The following SPECC1L variants were observed in gnomAD, a reference collection of about 807,000 sequenced individuals.
SPECC1L encodes the protein sperm antigen with calponin homology and coiled-coil domains 1 like, also known as cytospin-A.
In SPECC1L, 40 loss-of-function variants were observed where a neutral mutation model predicts 116.8. That is an observed-to-expected ratio of 0.34 (90% CI 0.27 to 0.45). The LOEUF (loss-of-function observed/expected upper bound fraction) is 0.45, where lower values mean the gene tolerates loss of function less well. SPECC1L is among the 20% of genes least tolerant of loss of function. SPECC1L has a pLI of 1.00. For missense variants in SPECC1L, 1,110 were observed against 1,373.6 expected (o/e 0.81, Z 3.03); for synonymous variants, 504 against 500.6 (o/e 1.01, Z -0.09).
chr22:24,365,405 G>GAA, intron 12 of SPECC1L, 71 bp from the exon 13 acceptor site: 20 of 1,383,584 alleles, frequency 1.4e-5, no homozygotes, highest in South Asian at 2.5e-5. Flanking sequence ...GGAATCTTCA[G>GAA]AAAAAAAAAA....
At chr22:24,414,255 T>C (rs892477430) in intron 16 of SPECC1L, among the ~76,000 whole-genome samples, 2 of 151,940 alleles carry the variant, frequency 1.3e-5, no homozygotes, top group South Asian at 2.1e-4. Flanking sequence ...AGGGAGGAAG[T>C]TCCTCCGCCC....
intron 14 of SPECC1L, among the ~76,000 whole-genome samples, chr22:24,386,071 A>G (rs757818119): frequency 3.9e-5 from 6 of 152,112 alleles, no homozygotes; most frequent in Non-Finnish European, 5.9e-5. Flanking sequence ...ATCAAAGTAG[A>G]TGAACAAAAG....
intron 7 of SPECC1L, among the ~76,000 whole-genome samples, chr22:24,329,675 C>T (rs1274921702): frequency 1.3e-5 from 2 of 152,188 alleles, no homozygotes; most frequent in African/African-American, 4.8e-5. Flanking sequence ...CGGCCACACC[C>T]GCATCCTCCA....
chr22:24,394,913 C>T (rs750885802), intron 14 of SPECC1L, among the ~76,000 whole-genome samples: 1 of 152,174 alleles, frequency 6.6e-6, no homozygotes, highest in African/African-American at 2.4e-5. Context: ...TCACTGCAGC[C>T]TTGAACTCCT....
chr22:24,301,393 C>T (rs953248785), intron 2 of SPECC1L, among the ~76,000 whole-genome samples: 15 of 152,150 alleles, frequency 9.9e-5, no homozygotes, highest in Non-Finnish European at 1.9e-4. Flanking sequence ...GGGTTACATC[C>T]TATAAACCCC....
chr22:24,360,680 GATTT>G (rs1461083655), intron 11 of SPECC1L, among the ~76,000 whole-genome samples: 1 of 152,096 alleles, frequency 6.6e-6, no homozygotes, highest in African/African-American at 2.4e-5. Context: ...ACCTTGTTTT[GATTT>G]ATTTGTCTTT....
At chr22:24,356,906 A>G (rs1241348626) in intron 11 of SPECC1L, among the ~76,000 whole-genome samples, 1 of 151,742 alleles carries the variant, frequency 6.6e-6, no homozygotes, top group Non-Finnish European at 1.5e-5. Flanking sequence ...GGATTGTTTT[A>G]TGCATTACAG....
At chr22:24,339,888 A>G (rs1336062354) in intron 10 of SPECC1L, among the ~76,000 whole-genome samples, 2 of 151,846 alleles carry the variant, frequency 1.3e-5, no homozygotes, top group African/African-American at 4.8e-5. Flanking sequence ...AGGCCCAACC[A>G]GTCCTCCCAC....
intron 1 of SPECC1L, among the ~76,000 whole-genome samples, chr22:24,273,738 A>T (rs2048775987): frequency 6.6e-6 from 1 of 152,124 alleles, no homozygotes; most frequent in African/African-American, 2.4e-5. Flanking sequence ...TATTCTGATC[A>T]TTGTTAAATA....
At chr22:24,369,356 TG>T (rs2041831147) in intron 14 of SPECC1L, 36 bp downstream of exon 14, 1 of 1,491,584 alleles carries the variant, frequency 6.7e-7, no homozygotes, top group East Asian at 2.3e-5. Context: ...TGTGAGTAAT[TG>T]GCAAACCAAC....
At position 24,365,484 on chromosome 22, in the gene SPECC1L, C is replaced by T. The variant is rs2041742779; in HGVS notation, c.2836C>T (p.Arg946Ter). 2 of 1,613,814 alleles carry T rather than the reference C, an allele frequency of 1.2e-6. No individual in the cohort carries two copies. The highest frequency in any genetic ancestry group is 1.3e-5 in the African/African-American group (1 of 74,862). ...ESAKTLSVSR[R>*]SSEEVKRDIS... ...ATGACTATTTCTCACAGTGTCTCGA[C>T]GAAGTAGTGAAGAAGTGAAACGGGA... is the stretch of plus-strand genomic sequence containing the variant. The change falls in exon 13 of 17, where the codon CGA (arginine) becomes TGA (stop). Residue 946 changes from arginine (R) to a stop codon, truncating the protein, a stop_gained. Coordinates refer to ENST00000314328, the MANE Select transcript of SPECC1L (RefSeq NM_015330.6). LOFTEE classifies it high-confidence loss of function.
chr22:24,313,390 C>T lies in SPECC1L; in HGVS notation c.231C>T (p.Ser77=). Residue 77 remains serine (S), a synonymous_variant, in exon 4 of 17, where the codon AGC becomes AGT. Coordinates refer to ENST00000314328, the MANE Select transcript of SPECC1L (RefSeq NM_015330.6). ...CTAATGGTGTTAAAGGAAAGAAAAG[C>T]ACCTGCCCATCTGCAGCACCTTCAG... ...TVTNGVKGKK[S]TCPSAAPSAS... is the part of the protein sequence containing the mutation. The T allele has an allele frequency of 6.2e-7, 1 of 1,614,134 alleles. No individual in the cohort carries two copies. Among genetic ancestry groups the T allele is most frequent in the Non-Finnish European group, 8.5e-7 (1 of 1,180,004 alleles).
intron 2 of SPECC1L, among the ~76,000 whole-genome samples, chr22:24,299,139 A>T (rs2049325020): frequency 6.6e-6 from 1 of 152,170 alleles, no homozygotes; most frequent in Non-Finnish European, 1.5e-5. Flanking sequence ...AAATTTACAT[A>T]TTGAAATTTA....
chr22:24,410,678 A>T lies in SPECC1L; in HGVS notation c.3088-910A>T, dbSNP rs558651220. 1.1e-4 allele frequency among the ~76,000 whole-genome samples: 16 copies of T among 152,248 alleles called. No homozygotes were observed. The East Asian group carries it at 3.1e-3, about 29-fold the overall frequency. On this transcript the variant is annotated intron_variant, in intron 14 of 16. Transcript: ENST00000314328. ...GGTACACTATAGCAATCTCCAGTAC[A>T]TGTGGTGCGTGGCCTGGACCAATGC...
intron 10 of SPECC1L, among the ~76,000 whole-genome samples, chr22:24,339,745 C>T (rs192288416): frequency 1.3e-5 from 2 of 152,198 alleles, no homozygotes; most frequent in East Asian, 1.9e-4. Context: ...ATTGTGAGTT[C>T]GTGGCTTTGC....
At chr22:24,305,825 T>TA (rs2049482812) in intron 3 of SPECC1L, among the ~76,000 whole-genome samples, 1 of 152,234 alleles carries the variant, frequency 6.6e-6, no homozygotes, top group Non-Finnish European at 1.5e-5. Context: ...CTTAAATTGT[T>TA]ACTCCTTTCA....
At chr22:24,317,284 C>T (rs1198556278) in intron 4 of SPECC1L, among the ~76,000 whole-genome samples, 21 of 108,882 alleles carry the variant, frequency 1.9e-4, no homozygotes, top group Middle Eastern at 6.0e-3. Flanking sequence ...ACCTCCCTCC[C>T]GGACGGGGCG....
rs2049424508 is a variant in SPECC1L, at chr22:24,303,510, T to A, written c.153+1126T>A. On this transcript the variant is annotated intron_variant, in intron 3 of 16. Transcript: ENST00000314328. Reference sequence around the variant, plus strand: ...CTGACCTAACTGGTTATTCAGTTGCTGGGGCTCTCTTTGGCGTGGAGTGCC... The same window carrying A: ...CTGACCTAACTGGTTATTCAGTTGCAGGGGCTCTCTTTGGCGTGGAGTGCC... 3.3e-5 allele frequency among the ~76,000 whole-genome samples: 5 copies of A among 152,202 alleles called. No homozygotes were observed. The South Asian group carries it at 1.0e-3, about 32-fold the overall frequency.
At chr22:24,321,189 T>A (rs1227674963) in intron 4 of SPECC1L, 99 bp from the exon 5 acceptor site, 20 of 1,203,414 alleles carry the variant, frequency 1.7e-5, no homozygotes, top group Admixed American at 3.9e-5. Flanking sequence ...GTGTAGATCC[T>A]GGATTTCATC....
Sources: gnomAD v4.1 joint callset for allele counts (sites outside exome capture counted in the v4.1 genomes callset) on GRCh38, gnomAD v4.1.1 for gene constraint, MANE v1.5 for transcripts, NCBI Gene and HGNC (gene_info 2026-07-23, HGNC 2026-07-21) for gene names.